Variants in PCNT observed in about 807,000 individuals in gnomAD.
The protein encoded by PCNT is kendrin.
In PCNT, 319 loss-of-function variants were observed where a neutral mutation model predicts 380.4. That is an observed-to-expected ratio of 0.84 (90% CI 0.77 to 0.92). The LOEUF (loss-of-function observed/expected upper bound fraction) is 0.92. PCNT is among the 40% of genes least tolerant of loss of function. The pLI is 0.00. For missense variants in PCNT, 4,400 were observed against 4,255.3 expected (o/e 1.03, Z -0.95); for synonymous variants, 1,845 against 1,735.2 (o/e 1.06, Z -1.57).
chr21:46,430,200 C>T lies in PCNT; in HGVS notation c.7881C>T (p.Leu2627=). 1 of 1,613,924 alleles carries T rather than the reference C, an allele frequency of 6.2e-7. No homozygotes were observed. The highest frequency in any genetic ancestry group is 8.5e-7 in the Non-Finnish European group (1 of 1,180,008). Residue 2627 remains leucine, a synonymous_variant, in exon 36 of 47, where the codon CTC becomes CTT. Coordinates refer to ENST00000359568, the MANE Select transcript of PCNT (RefSeq NM_006031.6). ...AGAGCGAACAGCTGTCCCGGTCCCT[C>T]TGCGAGGTGCAGCAGGAGGTCCTCC... The part of the protein sequence containing the change: ...RQKSEQLSRS[L]CEVQQEVLQL...
At chr21:46,396,741 TTAC>T in intron 21 of PCNT, among the ~76,000 whole-genome samples, 1 of 152,106 alleles carries the variant, frequency 6.6e-6, no homozygotes, top group Non-Finnish European at 1.5e-5. Context: ...GTAGCTGGGA[TTAC>T]AGGCACACGC....
intron 35 of PCNT, 93 bp downstream of exon 35, chr21:46,428,683 CAG>C (rs1316803064): frequency 2.0e-5 from 23 of 1,130,292 alleles, no homozygotes; most frequent in Middle Eastern, 2.8e-4. Context: ...AGGGTGGTGA[CAG>C]GGCATCATCT....
intron 3 of PCNT, among the ~76,000 whole-genome samples, chr21:46,343,293 G>A (rs912630490): frequency 2.0e-5 from 3 of 152,084 alleles, no homozygotes; most frequent in Non-Finnish European, 2.9e-5. Context: ...GTCATGAATG[G>A]CTTTTATTGT....
At chr21:46,443,098 C>CA (rs1569315085) in intron 44 of PCNT, 2 of 181,220 alleles carry the variant, frequency 1.1e-5, no homozygotes, top group African/African-American at 4.8e-5. Context: ...CCCTCCCACG[C>CA]AGCACAGAGA....
chr21:46,366,556 C>A, intron 14 of PCNT, 28 bp from the exon 15 acceptor site: 2 of 1,595,098 alleles, frequency 1.3e-6, no homozygotes, highest in Non-Finnish European at 1.7e-6. Flanking sequence ...GCATGTTTAA[C>A]TGTCCTGTGT....
chr21:46,411,396 C>T lies in PCNT; in HGVS notation c.5323C>T (p.Leu1775=), dbSNP rs147409139. The change falls in exon 28 of 47, where the codon CTG becomes TTG. Residue 1775 remains leucine, a synonymous_variant. Transcript: ENST00000359568. ...TCAGGCTGGCAGTCTGCAGAGCGAG[C>T]TGCTCTGCTCCCAGGCCGGGGGCCC... is the stretch of plus-strand genomic sequence containing the variant. The part of the protein sequence containing the change: ...DSQAGSLQSE[L]LCSQAGGPRG... The T allele has an allele frequency of 1.9e-6, 3 of 1,613,740 alleles. No homozygotes were observed. The highest frequency in any genetic ancestry group is 2.5e-6 in the Non-Finnish European group (3 of 1,180,006).
intron 6 of PCNT, 77 bp from the exon 7 acceptor site, chr21:46,348,935 G>A: frequency 9.7e-7 from 1 of 1,027,874 alleles, no homozygotes; most frequent in Non-Finnish European, 1.5e-6. Flanking sequence ...CTGCTCAGAG[G>A]TTTTGACTGT....
intron 2 of PCNT, among the ~76,000 whole-genome samples, chr21:46,331,255 C>T (rs1342222456): frequency 6.6e-6 from 1 of 152,118 alleles, no homozygotes; most frequent in Non-Finnish European, 1.5e-5. Flanking sequence ...CTCCCTGACT[C>T]AGGTGATCCT....
chr21:46,424,575 T>C (rs1475694161), intron 32 of PCNT, among the ~76,000 whole-genome samples: 1 of 152,246 alleles, frequency 6.6e-6, no homozygotes, highest in Non-Finnish European at 1.5e-5. Context: ...TTTTTTAAAA[T>C]GCATTTTCTC....
intron 15 of PCNT, among the ~76,000 whole-genome samples, chr21:46,378,983 C>T (rs1333454603): frequency 2.0e-5 from 3 of 152,174 alleles, no homozygotes; most frequent in Non-Finnish European, 4.4e-5. Context: ...GTGTCGTTAC[C>T]TGCACTACTG....
Position 46,334,700 on chromosome 21 carries a change from A to C in PCNT, c.571A>C (p.Thr191Pro), listed in dbSNP as rs150001244. The C allele has an allele frequency of 6.2e-6, 10 of 1,607,036 alleles. No homozygotes were observed. The highest frequency in any genetic ancestry group is 1.6e-4 in the Middle Eastern group (1 of 6,066). Residue 191 changes from threonine to proline, a missense_variant, in exon 3 of 47, where the codon ACA becomes CCA. Thr to Pro is a conservative substitution (Grantham distance 38, BLOSUM62 -1). Coordinates refer to ENST00000359568, the MANE Select transcript of PCNT (RefSeq NM_006031.6). ...QRGMFTVSDH[T>P]PEQRGIFTIS... Reference sequence around the variant, plus strand: ...TGGGATGTTCACAGTCAGTGACCACACACCAGAACAGCGTGGGATCTTCAC... The same window carrying C: ...TGGGATGTTCACAGTCAGTGACCACCCACCAGAACAGCGTGGGATCTTCAC...
At chr21:46,413,591 A>T (rs1288467758) in intron 29 of PCNT, among the ~76,000 whole-genome samples, 1 of 152,112 alleles carries the variant, frequency 6.6e-6, no homozygotes, top group Admixed American at 6.5e-5. Flanking sequence ...TTTTTCTTGT[A>T]ATTGATCCAA....
At chr21:46,365,910 ATGGGGTTCTATTCATTCACTGCTG>A (rs2084911510) in intron 14 of PCNT, among the ~76,000 whole-genome samples, 1 of 117,054 alleles carries the variant, frequency 8.5e-6, no homozygotes, top group African/African-American at 3.7e-5. Flanking sequence ...GTTCACTGCC[ATGGGGTTCTATTCATTCACTGCTG>A]TGGGGTTCTA....
intron 3 of PCNT, among the ~76,000 whole-genome samples, chr21:46,344,047 T>A (rs1189768756): frequency 6.6e-6 from 1 of 151,958 alleles, no homozygotes; most frequent in Non-Finnish European, 1.5e-5. Flanking sequence ...CTATCAGTTT[T>A]GTTTATCTTT....
chr21:46,387,669 G>A (rs527670963), intron 17 of PCNT, among the ~76,000 whole-genome samples: 4 of 152,204 alleles, frequency 2.6e-5, no homozygotes, highest in East Asian at 1.9e-4. Flanking sequence ...CAGAATCTTC[G>A]GTTTCGCGGG....
At chr21:46,332,962 A>C (rs1289766882) in intron 2 of PCNT, among the ~76,000 whole-genome samples, 2 of 152,100 alleles carry the variant, frequency 1.3e-5, no homozygotes, top group Non-Finnish European at 2.9e-5. Flanking sequence ...AAAAATAAAA[A>C]ATAAGCTGGG....
chr21:46,393,695 C>T (rs1016059864), intron 21 of PCNT, among the ~76,000 whole-genome samples: 22 of 152,222 alleles, frequency 1.4e-4, no homozygotes, highest in Non-Finnish European at 3.1e-4. Flanking sequence ...CTAGCGCCCC[C>T]GTGTCAGGTG....
chr21:46,371,808 G>A (rs1323071939), intron 15 of PCNT, among the ~76,000 whole-genome samples: 1 of 151,838 alleles, frequency 6.6e-6, no homozygotes, highest in African/African-American at 2.4e-5. Flanking sequence ...TGCACACACA[G>A]CACATGCACA....
At chr21:46,437,312 T>C (rs2053488009) in intron 40 of PCNT, among the ~76,000 whole-genome samples, 1 of 122,518 alleles carries the variant, frequency 8.2e-6, no homozygotes, top group Admixed American at 7.3e-5. Context: ...GGCTGAGCCC[T>C]GCTGCCATGG....
Sources: gnomAD v4.1 joint callset for allele counts (sites outside exome capture counted in the v4.1 genomes callset) on GRCh38, gnomAD v4.1.1 for gene constraint, MANE v1.5 for transcripts, NCBI Gene and HGNC (gene_info 2026-07-23, HGNC 2026-07-21) for gene names.